CBL: variants seen among roughly 807,000 people sequenced by gnomAD.
The protein encoded by CBL is E3 ubiquitin-protein ligase CBL.
CBL carries 45 observed loss-of-function variants against 96.9 expected under a neutral mutation model. That is an observed-to-expected ratio of 0.46 (90% CI 0.37 to 0.60). The LOEUF (loss-of-function observed/expected upper bound fraction) is 0.60. Among genes scored for constraint, CBL ranks in the 20% least tolerant of loss-of-function variants. The pLI, the probability that CBL is intolerant of heterozygous loss-of-function variation, is 0.00. For synonymous variants in CBL, 420 were observed against 426.8 expected (o/e 0.98, Z 0.20); for missense variants, 1,024 against 1,143.5 (o/e 0.90, Z 1.51).
chr11:119,262,029 C>T (rs1252868596), intron 2 of CBL, among the ~76,000 whole-genome samples: 5 of 152,142 alleles, frequency 3.3e-5, no homozygotes, highest in African/African-American at 1.2e-4. Flanking sequence ...CTAATAGCTT[C>T]ACCTGCAGAA....
At chr11:119,210,603 ATTTTTTTT>A (rs768564444) in intron 1 of CBL, among the ~76,000 whole-genome samples, 1 of 98,658 alleles carries the variant, frequency 1.0e-5, no homozygotes, top group South Asian at 4.1e-4. Flanking sequence ...TAATTTTTCA[ATTTTTTTT>A]TTTTTTTTTT....
At chr11:119,254,741 A>G (rs1235490143) in intron 2 of CBL, among the ~76,000 whole-genome samples, 1 of 152,046 alleles carries the variant, frequency 6.6e-6, no homozygotes, top group East Asian at 1.9e-4. Flanking sequence ...AGCTGGGATT[A>G]CAGGTGTGCA....
chr11:119,206,646 G>T (rs1949271618), intron 1 of CBL, 34 bp downstream of exon 1: 2 of 1,538,846 alleles, frequency 1.3e-6, no homozygotes, highest in South Asian at 2.4e-5. Flanking sequence ...CTGTTGCAGG[G>T]TGGGCGTGGG....
intron 2 of CBL, among the ~76,000 whole-genome samples, chr11:119,242,628 G>A (rs746446149): frequency 1.3e-5 from 2 of 150,900 alleles, no homozygotes; most frequent in Non-Finnish European, 3.0e-5. Flanking sequence ...AATTGGCTGG[G>A]TGTGGTGGCA....
At chr11:119,246,209 G>C (rs1423593913) in intron 2 of CBL, among the ~76,000 whole-genome samples, 1 of 151,752 alleles carries the variant, frequency 6.6e-6, no homozygotes, top group South Asian at 2.1e-4. Flanking sequence ...TCTTGACCTC[G>C]TGATCCGCCT....
intron 9 of CBL, among the ~76,000 whole-genome samples, chr11:119,279,761 T>C (rs943852611): frequency 2.0e-5 from 3 of 152,262 alleles, no homozygotes; most frequent in Admixed American, 2.0e-4. Context: ...AACTAATCAC[T>C]GTTATTTCTG....
chr11:119,209,050 G>A (rs1434052933), intron 1 of CBL, among the ~76,000 whole-genome samples: 1 of 152,022 alleles, frequency 6.6e-6, no homozygotes, highest in Non-Finnish European at 1.5e-5. Flanking sequence ...CTCTTATCAC[G>A]TATTTCTAGT....
At chr11:119,254,113 TC>T (rs1394336858) in intron 2 of CBL, among the ~76,000 whole-genome samples, 1 of 150,018 alleles carries the variant, frequency 6.7e-6, no homozygotes, top group Non-Finnish European at 1.5e-5. Context: ...CTTTTGGAGA[TC>T]GAGGCAAGAG....
intron 2 of CBL, among the ~76,000 whole-genome samples, chr11:119,271,486 G>T (rs1193833635): frequency 6.6e-6 from 1 of 152,108 alleles, no homozygotes; most frequent in Admixed American, 6.6e-5. Context: ...ACAGCAAAAA[G>T]TTTCTAAAAC....
intron 1 of CBL, among the ~76,000 whole-genome samples, chr11:119,213,840 G>A (rs1949337032): frequency 6.6e-6 from 1 of 152,096 alleles, no homozygotes; most frequent in African/African-American, 2.4e-5. Flanking sequence ...CCAAAGTGCT[G>A]GGATTATAGT....
At chr11:119,245,143 A>T (rs1949616045) in intron 2 of CBL, among the ~76,000 whole-genome samples, 1 of 147,688 alleles carries the variant, frequency 6.8e-6, no homozygotes, top group Non-Finnish European at 1.5e-5. Context: ...AAGTGCTGGG[A>T]TTACAGGTGT....
Position 119,306,115 on chromosome 11 carries a change from G to A in CBL, c.*6334G>A. 1 of 396,250 alleles carries A rather than the reference G, an allele frequency of 2.5e-6. No individual in the cohort carries two copies. The highest frequency in any genetic ancestry group is 4.4e-6 in the Non-Finnish European group (1 of 225,096). The allele number at this position is 396,250 out of a possible 1,614,324, so 24.5% of individuals were successfully genotyped here. On this transcript the variant is annotated 3_prime_UTR_variant, in exon 16 of 16. Transcript: ENST00000264033. ...AAAGTAGCAAAAGAGTAGGAGATGG[G>A]GAAATAGGGATGGGGAGAGCAAGCC... is the stretch of plus-strand genomic sequence containing the variant.
Position 119,260,939 on chromosome 11 carries a change from C to CTTTTTTTTTTT in CBL, c.444-10786_444-10776dup, listed in dbSNP as rs35248070. 2.5e-3 allele frequency among the ~76,000 whole-genome samples: 223 copies of CTTTTTTTTTTT among 89,904 alleles called. 34 individuals carry two copies. The highest frequency in any genetic ancestry group is 8.9e-3 in the African/African-American group (177 of 19,858). The allele number at this position is 89,904 out of a possible 152,430, so 59.0% of individuals were successfully genotyped here. On this transcript the variant is annotated intron_variant, in intron 2 of 15. Transcript: ENST00000264033. ...TTTCACTTTGGCAGTTAAATCTCTA[C>CTTTTTTTTTTT]TTTTTTTTTTTTTTTTTTTTAATGG...
chr11:119,253,498 A>G (rs1008983870), intron 2 of CBL, among the ~76,000 whole-genome samples: 2 of 73,936 alleles, frequency 2.7e-5, no homozygotes, highest in Non-Finnish European at 5.7e-5. Context: ...TAAAGGAGAA[A>G]GTGTTAATAA....
Position 119,303,177 on chromosome 11 carries a change from C to G in CBL, c.*3396C>G, listed in dbSNP as rs1261954289. On this transcript the variant is annotated 3_prime_UTR_variant, in exon 16 of 16. Transcript: ENST00000264033. ...TATATATTCCCTTTAAGATCTAGTT[C>G]TTTTTGTAGGTGTTCAGCAATGGTG... The G allele has an allele frequency of 8.6e-6, 2 of 231,308 alleles. No individual in the cohort carries two copies. Among genetic ancestry groups the G allele is most frequent in the Non-Finnish European group, 1.7e-5 (2 of 116,732 alleles). The allele number at this position is 231,308 out of a possible 1,614,324, so 14.3% of individuals were successfully genotyped here.
At chr11:119,256,689 T>G (rs1028073605) in intron 2 of CBL, among the ~76,000 whole-genome samples, 10 of 150,142 alleles carry the variant, frequency 6.7e-5, no homozygotes, top group East Asian at 2.0e-4. Context: ...GTAGTTTGTT[T>G]TTTTTTTTTT....
chr11:119,243,895 G>A (rs1949605818), intron 2 of CBL, among the ~76,000 whole-genome samples: 1 of 151,636 alleles, frequency 6.6e-6, no homozygotes, highest in South Asian at 2.1e-4. Context: ...TGCCTGGCTC[G>A]TTTTTAAATT....
chr11:119,274,380 C>T (rs1357737444), intron 4 of CBL, among the ~76,000 whole-genome samples: 2 of 152,236 alleles, frequency 1.3e-5, no homozygotes, highest in East Asian at 3.9e-4. Context: ...AACTGTTTCT[C>T]CTGTTTTATT....
At chr11:119,259,091 G>A (rs1215086153) in intron 2 of CBL, among the ~76,000 whole-genome samples, 1 of 152,176 alleles carries the variant, frequency 6.6e-6, no homozygotes, top group Non-Finnish European at 1.5e-5. Context: ...GTTGGTCATT[G>A]TTGATGTGTA....
Sources: gnomAD v4.1 joint callset for allele counts (sites outside exome capture counted in the v4.1 genomes callset) on GRCh38, gnomAD v4.1.1 for gene constraint, MANE v1.5 for transcripts, NCBI Gene and HGNC (gene_info 2026-07-23, HGNC 2026-07-21) for gene names.